The following GIPC2 variants were observed in gnomAD, a reference collection of about 807,000 sequenced individuals.
The protein encoded by GIPC2 is PDZ domain-containing protein GIPC2.
Under a neutral mutation model 30.6 loss-of-function variants are expected in GIPC2, and 30 were observed. That is an observed-to-expected ratio of 0.98 (90% CI 0.73 to 1.33). The LOEUF is 1.33. Among genes scored for constraint, GIPC2 ranks in the 40% most tolerant of loss-of-function variants. GIPC2 has a pLI of 0.00. For synonymous variants in GIPC2, 167 were observed against 150.0 expected, an observed-to-expected ratio of 1.11 and a Z score of -0.83; for missense variants, 414 against 390.3, an observed-to-expected ratio of 1.06 and a Z score of -0.51.
chr1:78,120,910 A>T (rs570056628), intron 4 of GIPC2, among the ~76,000 whole-genome samples: 1 of 152,018 alleles, frequency 6.6e-6, no homozygotes, highest in Non-Finnish European at 1.5e-5. Flanking sequence ...ACACACTAGG[A>T]CTCTATATCT....
chr1:78,072,961 C>T (rs530542621), intron 1 of GIPC2, among the ~76,000 whole-genome samples: 6 of 96,102 alleles, frequency 6.2e-5, no homozygotes, highest in Admixed American at 1.1e-4. Flanking sequence ...CCCACCACCA[C>T]GCCCAGCTAA....
chr1:78,050,198 G>A (rs1222554786), intron 1 of GIPC2, among the ~76,000 whole-genome samples: 2 of 151,760 alleles, frequency 1.3e-5, no homozygotes, highest in Non-Finnish European at 2.9e-5. Flanking sequence ...GCACCTGGCC[G>A]GTTCCAAGTC....
chr1:78,110,769 A>G (rs1018253517), intron 3 of GIPC2, among the ~76,000 whole-genome samples: 5 of 152,074 alleles, frequency 3.3e-5, no homozygotes, highest in Admixed American at 2.6e-4. Flanking sequence ...TTTACCTGTG[A>G]TGGTTGAGTC....
intron 1 of GIPC2, among the ~76,000 whole-genome samples, chr1:78,073,286 T>G (rs1454844649): frequency 1.3e-5 from 2 of 152,042 alleles, no homozygotes; most frequent in African/African-American, 2.4e-5. Flanking sequence ...AAATTTTTAG[T>G]AGAGACGGGG....
chr1:78,084,489 C>T (rs1488321143), intron 2 of GIPC2, among the ~76,000 whole-genome samples: 1 of 140,906 alleles, frequency 7.1e-6, no homozygotes, highest in East Asian at 2.0e-4. Context: ...CCAGCCTGGG[C>T]GACAGAGGGA....
intron 3 of GIPC2, among the ~76,000 whole-genome samples, chr1:78,116,888 G>A (rs564480317): frequency 1.3e-5 from 2 of 151,840 alleles, no homozygotes; most frequent in Non-Finnish European, 2.9e-5. Flanking sequence ...GGATGGCTGG[G>A]TCAAATGGTA....
chr1:78,073,410 T>G (rs1661660306), intron 1 of GIPC2, among the ~76,000 whole-genome samples: 4 of 152,186 alleles, frequency 2.6e-5, no homozygotes, highest in African/African-American at 9.7e-5. Context: ...AGACTTTCTC[T>G]TTATTTTCTA....
intron 1 of GIPC2, among the ~76,000 whole-genome samples, chr1:78,053,226 TA>T (rs1325741425): frequency 6.6e-6 from 1 of 152,188 alleles, no homozygotes; most frequent in East Asian, 1.9e-4. Context: ...CTGTTGCACA[TA>T]AACAATTGCA....
chr1:78,057,019 A>T (rs1206191189), intron 1 of GIPC2, among the ~76,000 whole-genome samples: 1 of 152,124 alleles, frequency 6.6e-6, no homozygotes, highest in Non-Finnish European at 1.5e-5. Context: ...ATCCCCAGTC[A>T]CTGTATTTCC....
At chr1:78,114,344 C>T (rs1036618238) in intron 3 of GIPC2, among the ~76,000 whole-genome samples, 1 of 152,194 alleles carries the variant, frequency 6.6e-6, no homozygotes, top group African/African-American at 2.4e-5. Context: ...CTTAGACAGG[C>T]CAGCACCCCA....
chr1:78,127,056 T>G (rs1662796227), intron 5 of GIPC2, among the ~76,000 whole-genome samples: 1 of 152,162 alleles, frequency 6.6e-6, no homozygotes, highest in Non-Finnish European at 1.5e-5. Flanking sequence ...AAATGTACAC[T>G]CCAGTGTGGG....
chr1:78,097,734 T>C lies in GIPC2; in HGVS notation c.607+2602T>C, dbSNP rs1662164488. 2.6e-5 allele frequency among the ~76,000 whole-genome samples: 4 copies of C among 152,180 alleles called. No homozygotes were observed. In the South Asian group the frequency reaches 6.2e-4, roughly 24 times the overall value. On this transcript the variant is annotated intron_variant, in intron 3 of 5. Coordinates refer to ENST00000370759, the MANE Select transcript of GIPC2 (RefSeq NM_017655.6). ...AGAAGGCATTTATTAGAGACTACCA[T>C]GTAGGTCCCAGAAACAGTCAATTGA... is the stretch of plus-strand genomic sequence containing the variant.
At position 78,136,409 on chromosome 1, in the gene GIPC2, G is replaced by C. The variant is rs1663005060; in HGVS notation, c.*666G>C. 1 of 152,164 alleles carries C rather than the reference G, an allele frequency of 6.6e-6. No homozygotes were observed. The allele number at this position is 152,164 out of a possible 1,614,324, so 9.4% of individuals were successfully genotyped here. ...GTGCTGTGTGTGTGTGTCTCTGCAT[G>C]TGTAAAAGAAGGGTAAAAAAGAGAT... On this transcript the variant is annotated 3_prime_UTR_variant, in exon 6 of 6. Transcript: ENST00000370759.
At chr1:78,128,450 T>C (rs1170152444) in intron 5 of GIPC2, among the ~76,000 whole-genome samples, 2 of 152,174 alleles carry the variant, frequency 1.3e-5, no homozygotes, top group African/African-American at 4.8e-5. Context: ...AAGACAGACA[T>C]ACACATAAAC....
intron 1 of GIPC2, among the ~76,000 whole-genome samples, chr1:78,062,259 A>G (rs1661408299): frequency 6.6e-6 from 1 of 152,218 alleles, no homozygotes; most frequent in South Asian, 2.1e-4. Context: ...TATGTCCCTC[A>G]TGATCCAGGG....
intron 1 of GIPC2, among the ~76,000 whole-genome samples, chr1:78,051,968 T>C (rs1241890849): frequency 2.0e-5 from 3 of 152,184 alleles, no homozygotes; most frequent in African/African-American, 7.2e-5. Context: ...TTGTATCTCA[T>C]TTTCTGCTCT....
In GIPC2 at chr1:78,136,828, G is replaced by T. The variant is rs1039858531; in HGVS notation, c.*1085G>T. The T allele has an allele frequency of 6.6e-6, 1 of 151,876 alleles. No homozygotes were observed. Among genetic ancestry groups the T allele is most frequent in the African/African-American group, 2.4e-5 (1 of 41,382 alleles). The allele number at this position is 151,876 out of a possible 1,614,324, so 9.4% of individuals were successfully genotyped here. A position where few individuals can be genotyped will look rare whatever the true frequency, so the allele number is the denominator to read the frequency against. ...TCTTATCACTCTTATTTGACATTTC[G>T]TAGGTGTAAGAGAAATGGAAATGAA... On this transcript the variant is annotated 3_prime_UTR_variant, in exon 6 of 6. Coordinates refer to ENST00000370759, the MANE Select transcript of GIPC2 (RefSeq NM_017655.6).
intron 1 of GIPC2, among the ~76,000 whole-genome samples, chr1:78,050,900 C>T (rs1401125057): frequency 6.6e-6 from 1 of 152,162 alleles, no homozygotes; most frequent in Non-Finnish European, 1.5e-5. Flanking sequence ...TCCCAAAGTG[C>T]TGAGATTACA....
At chr1:78,100,957 C>T (rs866839716) in intron 3 of GIPC2, among the ~76,000 whole-genome samples, 4,425 of 148,844 alleles carry the variant, frequency 0.03, 248 homozygotes, top group African/African-American at 0.1. Context: ...CACACACACA[C>T]ACACACACAC....
Sources: gnomAD v4.1 joint callset for allele counts (sites outside exome capture counted in the v4.1 genomes callset) on GRCh38, gnomAD v4.1.1 for gene constraint, MANE v1.5 for transcripts, NCBI Gene and HGNC (gene_info 2026-07-23, HGNC 2026-07-21) for gene names.